HSPA14: variants seen among roughly 807,000 people sequenced by gnomAD.
HSPA14 encodes heat shock protein family A (Hsp70) member 14, also known as heat shock 70 kDa protein 14.
A neutral mutation model predicts 65.5 loss-of-function variants in HSPA14; 37 were observed. The ratio of observed to expected loss-of-function variants is 0.56; its 90% CI spans 0.43 to 0.74. The LOEUF (loss-of-function observed/expected upper bound fraction) is 0.74. HSPA14 is among the 30% of genes least tolerant of loss of function. HSPA14 has a pLI of 0.00. For synonymous variants in HSPA14, 203 were observed against 214.2 expected (o/e 0.95, Z 0.46); for missense variants, 564 against 607.6 (o/e 0.93, Z 0.75).
intron 10 of HSPA14, among the ~76,000 whole-genome samples, chr10:14,857,610 C>T (rs1428283851): frequency 6.6e-6 from 1 of 151,832 alleles, no homozygotes; most frequent in Non-Finnish European, 1.5e-5. Flanking sequence ...TTTTTTTAAA[C>T]TTGTGCAAAT....
At chr10:14,849,121 A>G (rs557869392) in intron 5 of HSPA14, among the ~76,000 whole-genome samples, 13 of 152,366 alleles carry the variant, frequency 8.5e-5, no homozygotes, top group African/African-American at 3.1e-4. Context: ...ATATAAATGA[A>G]TTAGGCCAAA....
intron 10 of HSPA14, among the ~76,000 whole-genome samples, chr10:14,856,892 T>A (rs1042226668): frequency 2.6e-5 from 4 of 152,140 alleles, no homozygotes; most frequent in African/African-American, 9.7e-5. Context: ...TATATGATTT[T>A]TAAAATTTTC....
In HSPA14 at chr10:14,867,107, C is replaced by G. The variant is rs769277323; in HGVS notation, c.1018C>G (p.Arg340Gly). 3 of 1,613,326 alleles carry G rather than the reference C, an allele frequency of 1.9e-6. No homozygotes were observed. Among genetic ancestry groups the G allele is most frequent in the Non-Finnish European group, 1.7e-6 (2 of 1,179,398 alleles). The change falls in exon 11 of 14, where the codon CGA (arginine) becomes GGA (glycine). Residue 340 changes from arginine to glycine, a missense_variant. Transcript: ENST00000378372. ...GGTTGTCCTTTGTGGAGGGTCTTCT[C>G]GAATCCCAAAGCTACAGCAACTGAT... ...NKVVLCGGSSRIPKLQQLIKD... is the reference protein window; with the variant it reads ...NKVVLCGGSSGIPKLQQLIKD...
intron 11 of HSPA14, 117 bp from the exon 12 acceptor site, chr10:14,867,619 T>G (rs1173990485): frequency 1.2e-6 from 1 of 849,394 alleles, no homozygotes; most frequent in Non-Finnish European, 1.9e-6. Context: ...TATTTTCTTC[T>G]CTTTGCCTAG....
rs549266766 is a variant in HSPA14 at position 14,849,658 on chromosome 10, C to T, written c.377-63C>T. 5.6e-6 allele frequency: 7 copies of T among 1,249,586 alleles called. No individual in the cohort carries two copies. In the Admixed American group the frequency reaches 5.8e-5, roughly 10 times the overall value. The allele number at this position is 1,249,586 out of a possible 1,614,324, so 77.4% of individuals were successfully genotyped here. A position where few individuals can be genotyped will look rare whatever the true frequency, so the allele number is the denominator to read the frequency against. On this transcript the variant is annotated intron_variant, in intron 5 of 13. Coordinates refer to ENST00000378372, the MANE Select transcript of HSPA14 (RefSeq NM_016299.4). ...GAGATCTTTGTCATAAATTAATAAACCTCAGAAAGTATCACTTGTCATTTT... is the reference window on the plus strand; with the variant it reads ...GAGATCTTTGTCATAAATTAATAAATCTCAGAAAGTATCACTTGTCATTTT...
chr10:14,851,211 G>C lies in HSPA14; in HGVS notation c.468-8G>C. 6.7e-7 allele frequency: 1 copy of C among 1,497,996 alleles called. No homozygotes were observed. Among genetic ancestry groups the C allele is most frequent in the Non-Finnish European group, 9.2e-7 (1 of 1,087,492 alleles). The allele number at this position is 1,497,996 out of a possible 1,614,324, so 92.8% of individuals were successfully genotyped here. On this transcript the variant is annotated splice_region_variant and splice_polypyrimidine_tract_variant and intron_variant, in intron 6 of 13. Coordinates refer to ENST00000378372, the MANE Select transcript of HSPA14 (RefSeq NM_016299.4). ...AAATTAAATTCATTGAAAGCAAATTGTTCACAGAGAAGCAGCTAGAGCTGC... is the reference window on the plus strand; with the variant it reads ...AAATTAAATTCATTGAAAGCAAATTCTTCACAGAGAAGCAGCTAGAGCTGC...
In HSPA14 at chr10:14,854,253, G is replaced by C. The variant is rs775705611; in HGVS notation, c.863G>C (p.Gly288Ala). Residue 288 changes from glycine to alanine, a missense_variant, in exon 9 of 14, where the codon GGT (glycine) becomes GCT (alanine). Physicochemically the swap from Gly to Ala is moderately conservative, Grantham distance 60. Transcript: ENST00000378372. ...ANCFLDSLYE[G>A]QDFDCNVSRA... Reference sequence around the variant, plus strand: ...TGTTTTCTTGACTCATTATATGAAGGTCAAGATTTTGATTGCAATGTGTCC... The same window carrying C: ...TGTTTTCTTGACTCATTATATGAAGCTCAAGATTTTGATTGCAATGTGTCC... The C allele has an allele frequency of 1.9e-6, 3 of 1,608,258 alleles. No homozygotes were observed. The African/African-American group carries it at 4.0e-5, about 22-fold the overall frequency.
At chr10:14,850,690 T>C (rs1834101942) in intron 6 of HSPA14, 1 of 152,288 alleles carries the variant, frequency 6.6e-6, no homozygotes, top group Admixed American at 6.5e-5. Context: ...CTGCAGTTTT[T>C]GCATAGGCAT....
intron 3 of HSPA14, chr10:14,847,148 C>G: frequency 2.4e-6 from 1 of 411,830 alleles, no homozygotes; most frequent in Non-Finnish European, 3.3e-6. Flanking sequence ...GAGCGGCCCT[C>G]TTTATAAAGC....
At chr10:14,851,151 G>A (rs1271643976) in intron 6 of HSPA14, 68 bp from the exon 7 acceptor site, 1 of 850,994 alleles carries the variant, frequency 1.2e-6, no homozygotes, top group Non-Finnish European at 1.9e-6. Context: ...ATCTTTAGCA[G>A]ATCATTTCTA....
At chr10:14,858,671 C>A (rs1187043865) in intron 10 of HSPA14, among the ~76,000 whole-genome samples, 2 of 152,112 alleles carry the variant, frequency 1.3e-5, no homozygotes, top group African/African-American at 2.4e-5. Context: ...AGAGATATAC[C>A]CCACCTACCA....
At chr10:14,868,593 T>C (rs1330235916) in intron 12 of HSPA14, among the ~76,000 whole-genome samples, 1 of 151,846 alleles carries the variant, frequency 6.6e-6, no homozygotes, top group Non-Finnish European at 1.5e-5. Context: ...GGAGCATGAG[T>C]GTGTGTGAGG....
In HSPA14 at chr10:14,843,997, AT is replaced by A; in HGVS notation, c.221+3841del. Reference sequence around the variant, plus strand: ...CTTTTCTGTGTCCTCAGAAAAAAACATGGATGAACCATTTATATCCAGATAG... The same window carrying A: ...CTTTTCTGTGTCCTCAGAAAAAAACAGGATGAACCATTTATATCCAGATAG... On this transcript the variant is annotated intron_variant, in intron 3 of 13. Transcript: ENST00000378372. 3.4e-5 allele frequency: 50 copies of A among 1,472,202 alleles called. No individual in the cohort carries two copies. In the Middle Eastern group the frequency reaches 8.7e-4, roughly 26 times the overall value. The allele number at this position is 1,472,202 out of a possible 1,614,324, so 91.2% of individuals were successfully genotyped here.
Position 14,842,315 on chromosome 10 carries a change from C to A in HSPA14, c.221+2158C>A. ...CAGTGCCAATAGCAGTGCGGGCATC[C>A]GGTGGTCCAGACAGGAGACACGAAC... On this transcript the variant is annotated intron_variant, in intron 3 of 13. Coordinates refer to ENST00000378372, the MANE Select transcript of HSPA14 (RefSeq NM_016299.4). This position sits in a 1 kb window ranked among gnomAD's most constrained non-coding sequence, Gnocchi z 5.2. The A allele has an allele frequency of 6.5e-7, 1 of 1,535,936 alleles. No homozygotes were observed. The highest frequency in any genetic ancestry group is 1.2e-5 in the South Asian group (1 of 84,050).
chr10:14,838,495 C>A, intron 1 of HSPA14, 36 bp downstream of exon 1: 2 of 1,557,168 alleles, frequency 1.3e-6, no homozygotes, highest in Non-Finnish European at 8.7e-7. Context: ...GGCTTCATGA[C>A]GGCCACCCGG....
rs768318962 is a variant in HSPA14, at chr10:14,838,504, G to A, written c.57+45G>A. The A allele has an allele frequency of 1.4e-5, 22 of 1,539,532 alleles. No individual in the cohort carries two copies. The Admixed American group carries it at 4.0e-4, about 28-fold the overall frequency. On this transcript the variant is annotated intron_variant, in intron 1 of 13. Transcript: ENST00000378372. ...GGCTAGGGCTTCATGACGGCCACCCGGTTTTCTGGCGCTGGGTCATCCACA... is the reference window on the plus strand; with the variant it reads ...GGCTAGGGCTTCATGACGGCCACCCAGTTTTCTGGCGCTGGGTCATCCACA...
intron 1 of HSPA14, 168 bp downstream of exon 1, chr10:14,838,627 C>T: frequency 1.6e-6 from 1 of 614,556 alleles, no homozygotes. Context: ...CGGCCTCGCG[C>T]CTGGCGATTC....
chr10:14,842,711 A>C lies in HSPA14; in HGVS notation c.221+2554A>C. On this transcript the variant is annotated intron_variant, in intron 3 of 13. Transcript: ENST00000378372. This position sits in a 1 kb window ranked among gnomAD's most constrained non-coding sequence, Gnocchi z 5.2. ...GGGAACCGGCATTCTAAAATCAAAAAGGACTCAGGCAGCTGATCATCAGCC... is the reference window on the plus strand; with the variant it reads ...GGGAACCGGCATTCTAAAATCAAAACGGACTCAGGCAGCTGATCATCAGCC... 1 of 1,536,484 alleles carries C rather than the reference A, an allele frequency of 6.5e-7. No homozygotes were observed.
At chr10:14,865,091 C>T (rs1832793637) in intron 10 of HSPA14, among the ~76,000 whole-genome samples, 1 of 152,162 alleles carries the variant, frequency 6.6e-6, no homozygotes, top group Non-Finnish European at 1.5e-5. Context: ...AGCATTTTTT[C>T]ATGTGTCTTT....
Sources: allele counts gnomAD v4.1 joint callset (sites outside exome capture counted in the v4.1 genomes callset), GRCh38; gene constraint gnomAD v4.1.1; non-coding constraint Gnocchi (gnomAD v3.1); transcripts MANE v1.5; gene names NCBI Gene and HGNC (gene_info 2026-07-23, HGNC 2026-07-21).